CHST3: variants seen among roughly 807,000 people sequenced by gnomAD.
CHST3 encodes carbohydrate sulfotransferase 3.
In CHST3, 20 loss-of-function variants were observed where a neutral mutation model predicts 35.4. That is an observed-to-expected ratio of 0.57 (90% confidence interval 0.40 to 0.82). The LOEUF (loss-of-function observed/expected upper bound fraction) is 0.82, where lower values mean the gene tolerates loss of function less well. Ranked by LOEUF, CHST3 falls within the 40% of genes least tolerant of loss-of-function variation. The pLI, the probability that CHST3 is intolerant of heterozygous loss-of-function variation, is 0.00. For synonymous variants in CHST3, 334 were observed against 295.9 expected, an observed-to-expected ratio of 1.13 and a Z score of -1.32; for missense variants, 693 against 670.1, an observed-to-expected ratio of 1.03 and a Z score of -0.38.
At chr10:72,006,586 G>A (rs1197304341) in intron 2 of CHST3, among the ~76,000 whole-genome samples, 1 of 152,184 alleles carries the variant, frequency 6.6e-6, no homozygotes, top group Non-Finnish European at 1.5e-5. Context: ...ATCTGGGAAC[G>A]CCCCTTTACC....
At chr10:71,966,922 T>A (rs1176529107) in intron 1 of CHST3, among the ~76,000 whole-genome samples, 1 of 152,202 alleles carries the variant, frequency 6.6e-6, no homozygotes, top group Non-Finnish European at 1.5e-5. Flanking sequence ...TACAGGTTTG[T>A]TACATAGGTA....
chr10:71,975,686 G>A (rs74145505), intron 1 of CHST3, among the ~76,000 whole-genome samples: 2,204 of 152,360 alleles, frequency 0.014, 57 homozygotes, highest in African/African-American at 0.048. Context: ...ACCTAGAAAC[G>A]GACTATGAAT....
intron 1 of CHST3, among the ~76,000 whole-genome samples, chr10:71,981,547 C>T (rs1839801676): frequency 2.0e-5 from 3 of 152,258 alleles, no homozygotes; most frequent in Middle Eastern, 3.4e-3. Context: ...AGGACTCCAG[C>T]CCCCCCAGGC....
intron 1 of CHST3, among the ~76,000 whole-genome samples, chr10:71,996,788 G>A (rs886694358): frequency 2.0e-5 from 3 of 152,188 alleles, no homozygotes; most frequent in Non-Finnish European, 2.9e-5. Flanking sequence ...TGTGGGTATC[G>A]TGGAGAACAA....
intron 1 of CHST3, among the ~76,000 whole-genome samples, chr10:72,000,272 C>G (rs1471631101): frequency 6.6e-6 from 1 of 152,230 alleles, no homozygotes; most frequent in Non-Finnish European, 1.5e-5. Context: ...GAAGCACCCA[C>G]TCTGTGCCAG....
chr10:72,004,892 G>T (rs906960908), intron 1 of CHST3, among the ~76,000 whole-genome samples: 1 of 152,206 alleles, frequency 6.6e-6, no homozygotes, highest in African/African-American at 2.4e-5. Flanking sequence ...CACTTTGGGA[G>T]GCCGAGGCAG....
In CHST3 at chr10:72,013,199, C is replaced by G. The variant is rs1357894576; in HGVS notation, c.*4728C>G. ...CAGGTCCTGCACACTGTCTTTTTGCCAACACCTCAGCCCTGTTTGCTATTT... is the reference window on the plus strand; with the variant it reads ...CAGGTCCTGCACACTGTCTTTTTGCGAACACCTCAGCCCTGTTTGCTATTT... On this transcript the variant is annotated 3_prime_UTR_variant, in exon 3 of 3. Coordinates refer to ENST00000373115, the MANE Select transcript of CHST3 (RefSeq NM_004273.5). The G allele has an allele frequency of 6.6e-6, 1 of 152,594 alleles. No individual in the cohort carries two copies. Among genetic ancestry groups the G allele is most frequent in the East Asian group, 1.9e-4 (1 of 5,194 alleles). 9.5% of individuals were successfully genotyped at this position (152,594 alleles called of 1,614,324 possible). A position where few individuals can be genotyped will look rare whatever the true frequency, so the allele number is the denominator to read the frequency against.
chr10:71,985,137 G>A (rs1265212844), intron 1 of CHST3, among the ~76,000 whole-genome samples: 5 of 152,266 alleles, frequency 3.3e-5, no homozygotes, highest in Admixed American at 3.3e-4. Flanking sequence ...GTGCTGCGCA[G>A]CTGGCGTGGT....
intron 1 of CHST3, among the ~76,000 whole-genome samples, chr10:71,970,630 G>A (rs1371446790): frequency 6.6e-6 from 1 of 152,154 alleles, no homozygotes; most frequent in Non-Finnish European, 1.5e-5. Context: ...GACGGCCGGG[G>A]GTCCCAGCTC....
At chr10:72,002,376 C>T (rs1255938753) in intron 1 of CHST3, among the ~76,000 whole-genome samples, 1 of 152,196 alleles carries the variant, frequency 6.6e-6, no homozygotes, top group Non-Finnish European at 1.5e-5. Context: ...TATACCTTAC[C>T]AAGGTGCCAG....
Position 71,995,421 on chromosome 10 carries a change from CAAA to C in CHST3, c.-107-10298_-107-10296del, listed in dbSNP as rs35954993. On this transcript the variant is annotated intron_variant, in intron 1 of 2. Coordinates refer to ENST00000373115, the MANE Select transcript of CHST3 (RefSeq NM_004273.5). ...GCCTGGGCAGAGCGAGAGTCTGTCTCAAAAAAAAAAAAAAAAAAAGAATTTGTC... is the reference window on the plus strand; with the variant it reads ...GCCTGGGCAGAGCGAGAGTCTGTCTCAAAAAAAAAAAAAAAAGAATTTGTC... 1.8e-3 allele frequency among the ~76,000 whole-genome samples: 220 copies of C among 120,172 alleles called. 1 individual carries two copies. Among genetic ancestry groups the C allele is most frequent in the Non-Finnish European group, 2.2e-3 (130 of 57,908 alleles). The allele number at this position is 120,172 out of a possible 152,430, so 78.8% of individuals were successfully genotyped here. A position where few individuals can be genotyped will look rare whatever the true frequency, so the allele number is the denominator to read the frequency against.
At position 71,991,877 on chromosome 10, in the gene CHST3, T is replaced by C. The variant is rs560622786; in HGVS notation, c.-107-13859T>C. 2.7e-4 allele frequency among the ~76,000 whole-genome samples: 41 copies of C among 151,372 alleles called. 1 individual carries two copies. In the South Asian group the frequency reaches 4.6e-3, roughly 17 times the overall value. ...GGAACCCGGGCGGCAGAGGTTGCAG[T>C]GAGCCGAGATACATGCCATTGCACT... On this transcript the variant is annotated intron_variant, in intron 1 of 2. Coordinates refer to ENST00000373115, the MANE Select transcript of CHST3 (RefSeq NM_004273.5).
intron 1 of CHST3, among the ~76,000 whole-genome samples, chr10:71,974,817 C>A (rs533893783): frequency 6.6e-6 from 1 of 152,290 alleles, no homozygotes; most frequent in South Asian, 2.1e-4. Flanking sequence ...GCACTGGGTT[C>A]TCCTCCCCAG....
At chr10:71,971,338 G>A (rs950069723) in intron 1 of CHST3, among the ~76,000 whole-genome samples, 1 of 152,176 alleles carries the variant, frequency 6.6e-6, no homozygotes, top group Non-Finnish European at 1.5e-5. Context: ...CCACATGTTC[G>A]TATTCTACAT....
chr10:72,007,872 G>A lies in CHST3; in HGVS notation c.841G>A (p.Glu281Lys), dbSNP rs1220584098. The A allele has an allele frequency of 2.5e-6, 4 of 1,597,856 alleles. No homozygotes were observed. The highest frequency in any genetic ancestry group is 2.2e-5 in the South Asian group (2 of 89,480). The part of the protein sequence containing the change: ...ALKAVRIRQL[E>K]FLQPLAEDPR... ...CAAGGCGGTGCGCATCCGGCAGCTG[G>A]AGTTCCTGCAGCCGCTGGCCGAGGA... The change falls in exon 3 of 3, where the codon GAG (glutamate) becomes AAG (lysine). Residue 281 changes from glutamate to lysine, a missense_variant. Transcript: ENST00000373115.
At chr10:71,985,781 A>G (rs566956567) in intron 1 of CHST3, among the ~76,000 whole-genome samples, 2 of 152,290 alleles carry the variant, frequency 1.3e-5, no homozygotes, top group South Asian at 2.1e-4. Context: ...CCCTATGGTA[A>G]CATTCTGTGA....
Position 72,003,253 on chromosome 10 carries a change from G to A in CHST3, c.-107-2483G>A, listed in dbSNP as rs142070083. 2.0e-4 allele frequency among the ~76,000 whole-genome samples: 30 copies of A among 152,320 alleles called. No homozygotes were observed. The East Asian group carries it at 4.4e-3, about 23-fold the overall frequency. On this transcript the variant is annotated intron_variant, in intron 1 of 2. Coordinates refer to ENST00000373115, the MANE Select transcript of CHST3 (RefSeq NM_004273.5). The stretch of plus-strand genomic sequence containing the variant: ...CCCAACCAGAGTGCAAGCCCCGGGA[G>A]GGCACAGACCATACCTGCTTGTTCA...
chr10:71,964,863 G>C (rs1199456057), intron 1 of CHST3, among the ~76,000 whole-genome samples, 169 bp downstream of exon 1: 1 of 152,220 alleles, frequency 6.6e-6, no homozygotes, highest in African/African-American at 2.4e-5. Flanking sequence ...GCCCAGGCAG[G>C]CACCCACAAC....
intron 1 of CHST3, among the ~76,000 whole-genome samples, chr10:71,999,324 C>T (rs751889981): frequency 6.6e-6 from 1 of 152,252 alleles, no homozygotes; most frequent in Non-Finnish European, 1.5e-5. Flanking sequence ...GAGCCCACTC[C>T]AAGGTGTTTG....
Sources: allele counts gnomAD v4.1 joint callset (sites outside exome capture counted in the v4.1 genomes callset), GRCh38; gene constraint gnomAD v4.1.1; transcripts MANE v1.5; gene names NCBI Gene and HGNC (gene_info 2026-07-23, HGNC 2026-07-21).